The following LRRC37A2 variants were observed in gnomAD, a reference collection of about 807,000 sequenced individuals.
LRRC37A2 encodes the protein leucine rich repeat containing 37 member A2.
Under a neutral mutation model 68.8 loss-of-function variants are expected in LRRC37A2, and 9 were observed. The observed-to-expected ratio is 0.13, with a 90% CI of 0.08 to 0.23. LRRC37A2 has a LOEUF of 0.23. Ranked by LOEUF, LRRC37A2 falls within the 10% of genes least tolerant of loss-of-function variation. The pLI, the probability that LRRC37A2 is intolerant of heterozygous loss-of-function variation, is 1.00. For synonymous variants in LRRC37A2, 63 were observed against 367.6 expected (o/e 0.17, Z 9.48); for missense variants, 168 against 950.4 (o/e 0.18, Z 10.82).
At chr17:46,492,646 T>C in the LRRC37A2 span, among the ~76,000 whole-genome samples, 4 of 150,336 alleles carry the variant, frequency 2.7e-5, no homozygotes, top group African/African-American at 1.0e-4. Context: ...TTCCGGTTGC[T>C]CTGTATCCTC....
chr17:46,833,283 C>G, the LRRC37A2 span: 3 of 477,252 alleles, frequency 6.3e-6, no homozygotes. Flanking sequence ...ATGGCTCCTT[C>G]CACAAGTTCT....
chr17:46,974,252 C>T, the LRRC37A2 span, among the ~76,000 whole-genome samples: 191 of 152,342 alleles, frequency 1.3e-3, no homozygotes, highest in African/African-American at 4.5e-3. Flanking sequence ...CAGGGCCAGA[C>T]GCTAGGTCTG....
the LRRC37A2 span, among the ~76,000 whole-genome samples, chr17:46,894,450 A>C: frequency 6.6e-6 from 1 of 152,220 alleles, no homozygotes; most frequent in Non-Finnish European, 1.5e-5. Flanking sequence ...GGGGTCATTA[A>C]GTCCCCCTAA....
chr17:47,028,877 GAATCA>G, the LRRC37A2 span, among the ~76,000 whole-genome samples: 1 of 150,626 alleles, frequency 6.6e-6, no homozygotes, highest in African/African-American at 2.4e-5. Flanking sequence ...ATATGAGCAG[GAATCA>G]AATCCAAAGT....
At chr17:46,837,278 C>A in the LRRC37A2 span, among the ~76,000 whole-genome samples, 3 of 152,114 alleles carry the variant, frequency 2.0e-5, no homozygotes, top group African/African-American at 7.2e-5. Context: ...TTGTTTTGCC[C>A]CCTTCATCCC....
At chr17:47,044,214 ACTT>A in the LRRC37A2 span, among the ~76,000 whole-genome samples, 3 of 148,666 alleles carry the variant, frequency 2.0e-5, no homozygotes, top group Non-Finnish European at 4.5e-5. Context: ...TTTGCTATCC[ACTT>A]TTTTTTTCCT....
chr17:46,892,795 A>G, the LRRC37A2 span, among the ~76,000 whole-genome samples: 1 of 152,322 alleles, frequency 6.6e-6, no homozygotes, highest in East Asian at 1.9e-4. Context: ...CCTAGTTTTC[A>G]TGGTTGTTCA....
chr17:46,921,028 C>T, the LRRC37A2 span: 3 of 151,800 alleles, frequency 2.0e-5, no homozygotes, highest in Admixed American at 2.0e-4. Context: ...TAAAGATAAT[C>T]TCCTCTGCTC....
At chr17:46,801,996 T>C in the LRRC37A2 span, among the ~76,000 whole-genome samples, 1 of 152,228 alleles carries the variant, frequency 6.6e-6, no homozygotes, top group African/African-American at 2.4e-5. Flanking sequence ...TCACAAACTG[T>C]TAAACATAAG....
chr17:46,953,996 G>A, the LRRC37A2 span, among the ~76,000 whole-genome samples: 17 of 152,170 alleles, frequency 1.1e-4, no homozygotes, highest in East Asian at 3.9e-4. Flanking sequence ...GCCTGTTCAC[G>A]CTGATGGTAG....
At chr17:46,678,441 G>C in the LRRC37A2 span, among the ~76,000 whole-genome samples, 1 of 144,382 alleles carries the variant, frequency 6.9e-6, no homozygotes, top group Admixed American at 7.0e-5. Context: ...AAAGATATAA[G>C]ATGAAAATAA....
the LRRC37A2 span, among the ~76,000 whole-genome samples, chr17:46,890,353 T>TGG: frequency 6.6e-6 from 1 of 152,176 alleles, no homozygotes; most frequent in African/African-American, 2.4e-5. Context: ...AGTCCCCTGG[T>TGG]GGGCTTTCCT....
chr17:46,985,079 G>A, the LRRC37A2 span, among the ~76,000 whole-genome samples: 2 of 152,290 alleles, frequency 1.3e-5, no homozygotes, highest in African/African-American at 4.8e-5. Context: ...ATGATCTCAC[G>A]TTTCAAATTG....
chr17:46,796,632 G>C, the LRRC37A2 span, among the ~76,000 whole-genome samples: 1 of 152,170 alleles, frequency 6.6e-6, no homozygotes, highest in Non-Finnish European at 1.5e-5. Context: ...AGCCTCATTG[G>C]GTGACAGATC....
At chr17:46,885,030 G>A in the LRRC37A2 span, 87 of 433,980 alleles carry the variant, frequency 2.0e-4, 2 homozygotes, top group South Asian at 1.2e-3. Flanking sequence ...TTCTTGTTGC[G>A]CAGGTTGGAG....
At chr17:47,011,276 G>A in the LRRC37A2 span, among the ~76,000 whole-genome samples, 1 of 152,148 alleles carries the variant, frequency 6.6e-6, no homozygotes, top group Non-Finnish European at 1.5e-5. Context: ...CAGGATGGGT[G>A]TAGTGGCTTA....
the LRRC37A2 span, chr17:46,885,114 G>A: frequency 2.4e-6 from 1 of 419,524 alleles, no homozygotes; most frequent in South Asian, 1.7e-5. Context: ...TCAGCTGCCT[G>A]AGTAACTGGG....
At chr17:46,991,484 C>A in the LRRC37A2 span, among the ~76,000 whole-genome samples, 1 of 151,928 alleles carries the variant, frequency 6.6e-6, no homozygotes, top group Non-Finnish European at 1.5e-5. Context: ...AAAAATTAGC[C>A]GGGTGTGGTG....
the LRRC37A2 span, chr17:46,938,647 A>G: frequency 5.0e-6 from 8 of 1,614,090 alleles, 1 homozygote; most frequent in South Asian, 8.8e-5. Context: ...GGGCTTGTCC[A>G]ACACAGTGAT....
Sources: gnomAD v4.1 joint callset for allele counts (sites outside exome capture counted in the v4.1 genomes callset) on GRCh38, gnomAD v4.1.1 for gene constraint, MANE v1.5 for transcripts, NCBI Gene and HGNC (gene_info 2026-07-23, HGNC 2026-07-21) for gene names.